The following EPHA6 variants were observed in gnomAD, a reference collection of about 807,000 sequenced individuals.
EPHA6 encodes the protein EPH receptor A6.
In EPHA6, 50 loss-of-function variants were observed where a neutral mutation model predicts 112.0. That is an observed-to-expected ratio of 0.45 (90% confidence interval 0.36 to 0.56). The LOEUF is 0.56. Among genes scored for constraint, EPHA6 ranks in the 20% least tolerant of loss-of-function variants. The pLI is 0.00. For missense variants in EPHA6, 1,280 were observed against 1,417.4 expected (o/e 0.90, Z 1.56); for synonymous variants, 529 against 490.7 (o/e 1.08, Z -1.03).
chr3:97,760,136 A>G lies in EPHA6; in HGVS notation c.*11435A>G. Reference sequence around the variant, plus strand: ...TCAAACACGATTTGGGAGGGTATTGAGGTCCCATGTAAATTTTAAAATAAA... The same window carrying G: ...TCAAACACGATTTGGGAGGGTATTGGGGTCCCATGTAAATTTTAAAATAAA... On this transcript the variant is annotated 3_prime_UTR_variant, in exon 18 of 18. Transcript: ENST00000389672. 1 of 180,842 alleles carries G rather than the reference A, an allele frequency of 5.5e-6. No individual in the cohort carries two copies. The highest frequency in any genetic ancestry group is 1.2e-5 in the Non-Finnish European group (1 of 84,616). 11.2% of individuals were successfully genotyped at this position (180,842 alleles called of 1,614,324 possible). A position where few individuals can be genotyped will look rare whatever the true frequency, so the allele number is the denominator to read the frequency against.
intron 5 of EPHA6, among the ~76,000 whole-genome samples, chr3:97,252,189 C>T (rs2079161149): frequency 6.6e-6 from 1 of 152,020 alleles, no homozygotes; most frequent in Non-Finnish European, 1.5e-5. Flanking sequence ...CCTTAAAACA[C>T]GGTGCCTGTC....
intron 10 of EPHA6, among the ~76,000 whole-genome samples, chr3:97,528,888 G>A (rs1332038756): frequency 6.6e-6 from 1 of 152,178 alleles, no homozygotes; most frequent in Non-Finnish European, 1.5e-5. Flanking sequence ...GTCAGTGGCA[G>A]AAGATCAATT....
chr3:97,489,685 TA>T (rs60356185), intron 10 of EPHA6, among the ~76,000 whole-genome samples: 7,466 of 133,320 alleles, frequency 0.056, 238 homozygotes, highest in Middle Eastern at 0.089. Context: ...GACTCCGTCT[TA>T]AAAAAAAAAA....
At chr3:97,094,202 A>G (rs1232150696) in intron 3 of EPHA6, among the ~76,000 whole-genome samples, 4 of 152,130 alleles carry the variant, frequency 2.6e-5, no homozygotes, top group Non-Finnish European at 5.9e-5. Flanking sequence ...TGATTATGTT[A>G]TGTTTAGTTG....
intron 5 of EPHA6, 145 bp from the exon 6 acceptor site, chr3:97,405,005 G>A (rs111751156): frequency 1.2e-4 from 101 of 839,290 alleles, no homozygotes; most frequent in African/African-American, 5.3e-4. Context: ...AGAGCATATC[G>A]TAAGGCTATC....
chr3:97,319,338 G>A (rs2081991716), intron 5 of EPHA6, among the ~76,000 whole-genome samples: 1 of 151,118 alleles, frequency 6.6e-6, no homozygotes, highest in Non-Finnish European at 1.5e-5. Flanking sequence ...TTCAAATGTG[G>A]AATCAAAAAT....
rs532098457 is a variant in EPHA6 at position 97,046,476 on chromosome 3, T to C, written c.1114+58483T>C. On this transcript the variant is annotated intron_variant, in intron 3 of 17. Transcript: ENST00000389672. ...ACTTCATTGTGAAAGTTTAGAAGAA[T>C]TGAAAGACATGACAAGATGCCCACT... is the stretch of plus-strand genomic sequence containing the variant. Among the ~76,000 whole-genome samples, 18 of 152,290 alleles carry C rather than the reference T, an allele frequency of 1.2e-4. No individual in the cohort carries two copies. The South Asian group carries it at 3.7e-3, about 32-fold the overall frequency.
chr3:97,711,564 G>A (rs896960447), intron 14 of EPHA6, among the ~76,000 whole-genome samples: 3 of 152,082 alleles, frequency 2.0e-5, no homozygotes, highest in Non-Finnish European at 4.4e-5. Context: ...GGGCAGGGGA[G>A]AACTTGTATA....
rs575403103 is a variant in EPHA6, at chr3:97,349,471, G to A, written c.1607-55679G>A. On this transcript the variant is annotated intron_variant, in intron 5 of 17. Coordinates refer to ENST00000389672, the MANE Select transcript of EPHA6 (RefSeq NM_001080448.3). ...CCATATTTATTGAGACAGAAATATG[G>A]AGCATTGTGAAAAACAATAGCAACT... is the stretch of plus-strand genomic sequence containing the variant. 7.9e-5 allele frequency among the ~76,000 whole-genome samples: 12 copies of A among 152,030 alleles called. No homozygotes were observed. In the East Asian group the frequency reaches 2.3e-3, roughly 29 times the overall value.
At chr3:96,857,293 C>T (rs1436404941) in intron 1 of EPHA6, among the ~76,000 whole-genome samples, 2 of 152,110 alleles carry the variant, frequency 1.3e-5, no homozygotes, top group Non-Finnish European at 2.9e-5. Context: ...TGCTTCCCTA[C>T]AGGGTAATGA....
At chr3:97,486,201 A>G (rs1025259257) in intron 10 of EPHA6, among the ~76,000 whole-genome samples, 1 of 152,214 alleles carries the variant, frequency 6.6e-6, no homozygotes, top group Non-Finnish European at 1.5e-5. Flanking sequence ...TATCTAAACC[A>G]TGTAGTTATT....
chr3:97,199,531 A>G (rs2077526069), intron 3 of EPHA6, among the ~76,000 whole-genome samples: 2 of 152,158 alleles, frequency 1.3e-5, no homozygotes. Flanking sequence ...AGAACCACCC[A>G]TGTTCCTGAA....
At chr3:97,516,420 A>T (rs2092449453) in intron 10 of EPHA6, among the ~76,000 whole-genome samples, 1 of 152,194 alleles carries the variant, frequency 6.6e-6, no homozygotes, top group Non-Finnish European at 1.5e-5. Flanking sequence ...TGATGTTTGA[A>T]ACTTGTAAGT....
At chr3:97,581,947 A>G (rs1283164648) in intron 11 of EPHA6, among the ~76,000 whole-genome samples, 3 of 152,260 alleles carry the variant, frequency 2.0e-5, no homozygotes, top group South Asian at 2.1e-4. Flanking sequence ...CATTCAAATA[A>G]CAATGAATCT....
intron 12 of EPHA6, among the ~76,000 whole-genome samples, chr3:97,596,672 AG>A (rs2093593576): frequency 6.6e-6 from 1 of 150,926 alleles, no homozygotes; most frequent in Non-Finnish European, 1.5e-5. Flanking sequence ...TCATATCTTA[AG>A]GTTGAATGTG....
intron 11 of EPHA6, among the ~76,000 whole-genome samples, chr3:97,571,304 C>T (rs1469262189): frequency 2.0e-5 from 3 of 150,986 alleles, no homozygotes; most frequent in Non-Finnish European, 4.4e-5. Context: ...TAATAAGGGC[C>T]AGAGGTGGCA....
intron 1 of EPHA6, among the ~76,000 whole-genome samples, chr3:96,827,274 T>C (rs555148435): frequency 6.6e-6 from 1 of 152,144 alleles, no homozygotes; most frequent in South Asian, 2.1e-4. Context: ...AGTTGAGAAG[T>C]TGAGTAAGAA....
chr3:96,962,309 T>C (rs1024250812), intron 2 of EPHA6, among the ~76,000 whole-genome samples: 1 of 151,890 alleles, frequency 6.6e-6, no homozygotes, highest in African/African-American at 2.4e-5. Flanking sequence ...AAGGAAGTAT[T>C]TAGACCTGAT....
At chr3:97,049,516 G>T (rs2045618843) in intron 3 of EPHA6, among the ~76,000 whole-genome samples, 1 of 152,112 alleles carries the variant, frequency 6.6e-6, no homozygotes, top group Admixed American at 6.6e-5. Context: ...GCTTTCGGGT[G>T]GATTTAGTAA....
Sources: allele counts gnomAD v4.1 joint callset (sites outside exome capture counted in the v4.1 genomes callset), GRCh38; gene constraint gnomAD v4.1.1; transcripts MANE v1.5; gene names NCBI Gene and HGNC (gene_info 2026-07-23, HGNC 2026-07-21).